IPCEF1: variants seen among roughly 807,000 people sequenced by gnomAD.
The protein encoded by IPCEF1 is interactor protein for cytohesin exchange factors 1.
Under a neutral mutation model 50.9 loss-of-function variants are expected in IPCEF1, and 31 were observed. That is an observed-to-expected ratio of 0.61 (90% CI 0.46 to 0.82). The LOEUF (loss-of-function observed/expected upper bound fraction) is 0.82. Ranked by LOEUF, IPCEF1 falls within the 40% of genes least tolerant of loss-of-function variation. IPCEF1 has a pLI of 0.00. For synonymous variants in IPCEF1, 181 were observed against 192.0 expected, an observed-to-expected ratio of 0.94 and a Z score of 0.47; for missense variants, 458 against 514.0, an observed-to-expected ratio of 0.89 and a Z score of 1.05.
At chr6:154,266,001 T>C (rs771937173) in intron 2 of IPCEF1, 37 bp from the exon 3 acceptor site, 1 of 1,226,728 alleles carries the variant, frequency 8.2e-7, no homozygotes. Flanking sequence ...AAATGTGAGA[T>C]TAAAGTGTTC....
chr6:154,262,517 C>T (rs1264094757), intron 3 of IPCEF1, among the ~76,000 whole-genome samples: 1 of 152,190 alleles, frequency 6.6e-6, no homozygotes, highest in African/African-American at 2.4e-5. Flanking sequence ...GTAATACTAA[C>T]TGAATGTTCC....
At chr6:154,246,905 A>G in intron 4 of IPCEF1, 145 bp from the exon 5 acceptor site, 1 of 786,838 alleles carries the variant, frequency 1.3e-6, no homozygotes, top group Non-Finnish European at 1.8e-6. Context: ...ATTTATGCAA[A>G]GCCTATGCAA....
At chr6:154,313,510 A>G (rs944382415) in intron 1 of IPCEF1, among the ~76,000 whole-genome samples, 4 of 152,204 alleles carry the variant, frequency 2.6e-5, no homozygotes, top group Non-Finnish European at 5.9e-5. Flanking sequence ...CCTACTGGAT[A>G]TTGGAAACCT....
At chr6:154,210,448 G>A (rs1433681686) in intron 9 of IPCEF1, among the ~76,000 whole-genome samples, 1 of 152,144 alleles carries the variant, frequency 6.6e-6, no homozygotes, top group Non-Finnish European at 1.5e-5. Context: ...CAGAGACAGA[G>A]AGAAACTTAG....
At chr6:154,314,098 G>T (rs1326009637) in intron 1 of IPCEF1, among the ~76,000 whole-genome samples, 1 of 151,948 alleles carries the variant, frequency 6.6e-6, no homozygotes, top group East Asian at 1.9e-4. Context: ...GCTTTCTCTG[G>T]CATCAAAAAG....
chr6:154,235,566 G>T (rs971771337), intron 5 of IPCEF1, among the ~76,000 whole-genome samples: 10 of 144,272 alleles, frequency 6.9e-5, no homozygotes, highest in African/African-American at 2.3e-4. Context: ...TGAAGACAAA[G>T]TTAAGTCTTT....
chr6:154,296,100 C>T (rs1356582849), intron 1 of IPCEF1, among the ~76,000 whole-genome samples: 1 of 152,178 alleles, frequency 6.6e-6, no homozygotes, highest in Non-Finnish European at 1.5e-5. Context: ...ATGCTGTGGG[C>T]TCTGTGCATA....
At position 154,309,816 on chromosome 6, in the gene IPCEF1, T is replaced by C. The variant is rs866032659; in HGVS notation, c.-61-20060A>G. 3.2e-4 allele frequency among the ~76,000 whole-genome samples: 48 copies of C among 151,130 alleles called. No homozygotes were observed. The Middle Eastern group carries it at 0.01, about 32-fold the overall frequency. Reference sequence around the variant, plus strand: ...TCTTGCTCTGTCACCCAGGCTGGGGTGCAATGGTGAGATCTTGGCTCACTG... The same window carrying C: ...TCTTGCTCTGTCACCCAGGCTGGGGCGCAATGGTGAGATCTTGGCTCACTG... On this transcript the variant is annotated intron_variant, in intron 1 of 11. Transcript: ENST00000367220.
intron 10 of IPCEF1, 127 bp downstream of exon 10, chr6:154,199,541 C>A: frequency 3.6e-6 from 4 of 1,121,210 alleles, no homozygotes; most frequent in Non-Finnish European, 4.9e-6. Context: ...CTGGGCATAG[C>A]CCCACTTGAC....
intron 1 of IPCEF1, among the ~76,000 whole-genome samples, chr6:154,313,644 G>A (rs1216274014): frequency 2.0e-5 from 3 of 152,120 alleles, no homozygotes; most frequent in Non-Finnish European, 4.4e-5. Context: ...ATATAGGCAA[G>A]TAAATTCCAA....
chr6:154,279,966 A>G (rs1031332957), intron 2 of IPCEF1, among the ~76,000 whole-genome samples: 1 of 152,234 alleles, frequency 6.6e-6, no homozygotes, highest in Non-Finnish European at 1.5e-5. Flanking sequence ...GTTAATCCTC[A>G]TTAACAATCA....
At chr6:154,306,467 G>A (rs921611422) in intron 1 of IPCEF1, among the ~76,000 whole-genome samples, 15 of 152,110 alleles carry the variant, frequency 9.9e-5, no homozygotes, top group African/African-American at 2.9e-4. Flanking sequence ...GAACTCCTGC[G>A]TTCAAGGTAT....
chr6:154,207,831 A>C (rs778192888), intron 9 of IPCEF1, among the ~76,000 whole-genome samples: 21 of 152,342 alleles, frequency 1.4e-4, no homozygotes, highest in Middle Eastern at 6.8e-3. Context: ...GTGTTGAAAT[A>C]ATCTGCATAA....
intron 2 of IPCEF1, among the ~76,000 whole-genome samples, chr6:154,278,815 T>A (rs1025755784): frequency 2.0e-5 from 3 of 151,924 alleles, no homozygotes; most frequent in African/African-American, 7.3e-5. Context: ...TACACATTAA[T>A]AATTACAATT....
At chr6:154,351,384 A>C (rs965370490) in intron 1 of IPCEF1, among the ~76,000 whole-genome samples, 9 of 152,310 alleles carry the variant, frequency 5.9e-5, no homozygotes, top group Admixed American at 4.6e-4. Flanking sequence ...GGCTGGAAGC[A>C]TTTCCTACGT....
chr6:154,208,238 C>T (rs1316636863), intron 9 of IPCEF1, among the ~76,000 whole-genome samples: 3 of 152,160 alleles, frequency 2.0e-5, no homozygotes, highest in Admixed American at 6.5e-5. Context: ...TGGTTCACCC[C>T]GCGTCAGCCA....
At chr6:154,283,017 G>A (rs1026751497) in intron 2 of IPCEF1, among the ~76,000 whole-genome samples, 3 of 152,142 alleles carry the variant, frequency 2.0e-5, no homozygotes, top group African/African-American at 2.4e-5. Flanking sequence ...TTTGAGGGCA[G>A]GGCAGGAACC....
chr6:154,328,291 G>T (rs946699413), intron 1 of IPCEF1, among the ~76,000 whole-genome samples: 1 of 152,192 alleles, frequency 6.6e-6, no homozygotes, highest in Non-Finnish European at 1.5e-5. Flanking sequence ...CTAAAGCGTG[G>T]CTGATGAACA....
intron 6 of IPCEF1, among the ~76,000 whole-genome samples, chr6:154,222,012 T>A (rs904505546): frequency 1.3e-5 from 2 of 152,250 alleles, no homozygotes; most frequent in Admixed American, 6.5e-5. Context: ...TCAGAACAAC[T>A]ACTTCAAGCA....
Sources: gnomAD v4.1 joint callset for allele counts (sites outside exome capture counted in the v4.1 genomes callset) on GRCh38, gnomAD v4.1.1 for gene constraint, MANE v1.5 for transcripts, NCBI Gene and HGNC (gene_info 2026-07-23, HGNC 2026-07-21) for gene names.